Variants in CDH13 observed in about 807,000 individuals in gnomAD.
CDH13 encodes cadherin-13.
Under a neutral mutation model 63.8 loss-of-function variants are expected in CDH13, and 24 were observed. The observed-to-expected ratio is 0.38, with a 90% CI of 0.27 to 0.53. The LOEUF is 0.53. Ranked by LOEUF, CDH13 falls within the 20% of genes least tolerant of loss-of-function variation. The pLI is 0.85. For missense variants in CDH13, 1,049 were observed against 903.1 expected (o/e 1.16, Z -2.07); for synonymous variants, 503 against 355.3 (o/e 1.42, Z -4.67).
intron 8 of CDH13, among the ~76,000 whole-genome samples, chr16:83,662,043 C>T (rs1913487660): frequency 1.3e-5 from 2 of 152,136 alleles, no homozygotes; most frequent in Admixed American, 6.5e-5. Context: ...GGGTGGGTCA[C>T]ATGGGGCAGG....
At chr16:83,431,005 C>G (rs1184739311) in intron 6 of CDH13, among the ~76,000 whole-genome samples, 1 of 138,402 alleles carries the variant, frequency 7.2e-6, no homozygotes, top group African/African-American at 2.7e-5. Flanking sequence ...GTGTGATGTT[C>G]CCCTTCCTGT....
At chr16:83,422,419 C>T (rs572479923) in intron 6 of CDH13, among the ~76,000 whole-genome samples, 1 of 152,152 alleles carries the variant, frequency 6.6e-6, no homozygotes, top group Non-Finnish European at 1.5e-5. Context: ...GGACACTGGT[C>T]TCAGAAAGAA....
intron 7 of CDH13, among the ~76,000 whole-genome samples, chr16:83,551,622 A>C (rs965418922): frequency 1.3e-5 from 2 of 152,104 alleles, no homozygotes; most frequent in Non-Finnish European, 2.9e-5. Flanking sequence ...CTGGACATCC[A>C]AGCTTCTCTT....
intron 6 of CDH13, among the ~76,000 whole-genome samples, chr16:83,371,213 A>G (rs985883953): frequency 6.6e-6 from 1 of 152,256 alleles, no homozygotes; most frequent in Admixed American, 6.5e-5. Flanking sequence ...TCATTCTGCC[A>G]TAAAGATGCC....
chr16:83,476,235 C>T lies in CDH13; in HGVS notation c.782-10242C>T, dbSNP rs1325047423. Among the ~76,000 whole-genome samples, 5 of 152,114 alleles carry T rather than the reference C, an allele frequency of 3.3e-5. No individual in the cohort carries two copies. In the East Asian group the frequency reaches 9.6e-4, roughly 29 times the overall value. ...ATAGAGCAGCATCCTTGATCTCTAC[C>T]CACTAGATGCCAATATCACATCTCC... On this transcript the variant is annotated intron_variant, in intron 6 of 13. Transcript: ENST00000567109.
chr16:83,287,923 A>G (rs988702889), intron 5 of CDH13, among the ~76,000 whole-genome samples: 2 of 152,316 alleles, frequency 1.3e-5, no homozygotes, highest in South Asian at 2.1e-4. Context: ...TGTTAAAGAC[A>G]GGATCAAAAT....
At chr16:83,182,598 G>C (rs994719866) in intron 4 of CDH13, among the ~76,000 whole-genome samples, 4 of 152,166 alleles carry the variant, frequency 2.6e-5, no homozygotes, top group African/African-American at 9.7e-5. Flanking sequence ...GCCATGCTGT[G>C]ATCAAAAGGA....
At chr16:82,702,097 A>G (rs1216041575) in intron 1 of CDH13, among the ~76,000 whole-genome samples, 1 of 152,192 alleles carries the variant, frequency 6.6e-6, no homozygotes, top group Non-Finnish European at 1.5e-5. Context: ...GCGAAGAACC[A>G]GAGTCCCCTG....
intron 2 of CDH13, among the ~76,000 whole-genome samples, chr16:83,014,141 C>G (rs906148939): frequency 2.0e-5 from 3 of 151,868 alleles, no homozygotes; most frequent in East Asian, 1.9e-4. Context: ...GCAATTCACA[C>G]ACACAAAAAA....
At chr16:83,723,048 C>T (rs1029365667) in intron 10 of CDH13, among the ~76,000 whole-genome samples, 3 of 152,292 alleles carry the variant, frequency 2.0e-5, no homozygotes, top group Admixed American at 2.0e-4. Flanking sequence ...GTACATGGTG[C>T]ATTTTTAAAA....
chr16:83,050,643 G>A (rs551311337), intron 3 of CDH13, among the ~76,000 whole-genome samples: 4 of 151,932 alleles, frequency 2.6e-5, no homozygotes, highest in African/African-American at 4.8e-5. Flanking sequence ...CTCTTCTTCA[G>A]CATGTCTCCA....
chr16:82,921,366 A>G (rs1448482024), intron 2 of CDH13, among the ~76,000 whole-genome samples: 1 of 152,108 alleles, frequency 6.6e-6, no homozygotes, highest in Non-Finnish European at 1.5e-5. Context: ...TTTGATCCTC[A>G]AGGCCACTAT....
At chr16:83,582,838 C>T (rs757904630) in intron 7 of CDH13, among the ~76,000 whole-genome samples, 3 of 152,204 alleles carry the variant, frequency 2.0e-5, no homozygotes, top group Non-Finnish European at 2.9e-5. Context: ...GTTGGACTTT[C>T]AGCCTGAACT....
At chr16:83,374,486 C>A (rs575414006) in intron 6 of CDH13, among the ~76,000 whole-genome samples, 22 of 152,136 alleles carry the variant, frequency 1.4e-4, no homozygotes, top group Non-Finnish European at 3.1e-4. Context: ...ACAGTTTTGA[C>A]TAAATAGTGC....
At position 82,926,694 on chromosome 16, in the gene CDH13, G is replaced by A. The variant is rs551232073; in HGVS notation, c.157+68221G>A. On this transcript the variant is annotated intron_variant, in intron 2 of 13. Transcript: ENST00000567109. ...GCCAGGAAGTGATTCTAGCTCTGCT[G>A]TATATCTGTGTAACCATAGTTATTC... Among the ~76,000 whole-genome samples, 627 of 152,360 alleles carry A rather than the reference G, an allele frequency of 4.1e-3. 1 individual carries two copies. The highest frequency in any genetic ancestry group is 7.3e-3 in the Non-Finnish European group (500 of 68,038).
At position 83,490,048 on chromosome 16, in the gene CDH13, C is replaced by CACACACAG. The variant is rs530046272; in HGVS notation, c.960+3394_960+3395insCACACAGA. Among the ~76,000 whole-genome samples, 230 of 150,260 alleles carry CACACACAG rather than the reference C, an allele frequency of 1.5e-3. 1 individual carries two copies. The highest frequency in any genetic ancestry group is 2.7e-3 in the South Asian group (13 of 4,736). ...ACACACACACACACACACACACACA[C>CACACACAG]AGCTCACCAGCACCTCTGGCTCTCA... On this transcript the variant is annotated intron_variant, in intron 7 of 13. Coordinates refer to ENST00000567109, the MANE Select transcript of CDH13 (RefSeq NM_001257.5).
chr16:82,870,222 C>A (rs889816929), intron 2 of CDH13, among the ~76,000 whole-genome samples: 1 of 152,032 alleles, frequency 6.6e-6, no homozygotes, highest in African/African-American at 2.4e-5. Flanking sequence ...AATGTCCAAC[C>A]TCACTAATCA....
Position 82,967,740 on chromosome 16 carries a change from A to T in CDH13, c.158-64270A>T, listed in dbSNP as rs191168653. Among the ~76,000 whole-genome samples, 274 of 152,312 alleles carry T rather than the reference A, an allele frequency of 1.8e-3. 1 individual carries two copies. The highest frequency in any genetic ancestry group is 6.3e-3 in the African/African-American group (263 of 41,578). On this transcript the variant is annotated intron_variant, in intron 2 of 13. Coordinates refer to ENST00000567109, the MANE Select transcript of CDH13 (RefSeq NM_001257.5). ...ACCTCATGGCAGTATTGTGTCCTTC[A>T]CAGTGCTTTGTATCAGGCAGCATGT...
chr16:82,866,529 C>G (rs961396936), intron 2 of CDH13, among the ~76,000 whole-genome samples: 3 of 151,780 alleles, frequency 2.0e-5, no homozygotes, highest in Non-Finnish European at 1.5e-5. Context: ...GCTGGGACTA[C>G]AGGCATGAGC....
Sources: gnomAD v4.1 joint callset for allele counts (sites outside exome capture counted in the v4.1 genomes callset) on GRCh38, gnomAD v4.1.1 for gene constraint, MANE v1.5 for transcripts, NCBI Gene and HGNC (gene_info 2026-07-23, HGNC 2026-07-21) for gene names.